Variants in DOK6 observed in about 807,000 individuals in gnomAD.
DOK6 encodes the protein docking protein 6.
A neutral mutation model predicts 44.0 loss-of-function variants in DOK6; 22 were observed. That is an observed-to-expected ratio of 0.50 (90% CI 0.36 to 0.71). DOK6 has a LOEUF of 0.71. DOK6 is among the 30% of genes least tolerant of loss of function. DOK6 has a pLI of 0.00. For missense variants in DOK6, 340 were observed against 416.4 expected (o/e 0.82, Z 1.60); for synonymous variants, 166 against 145.5 (o/e 1.14, Z -1.01).
At chr18:69,604,655 C>T (rs1983953429) in intron 3 of DOK6, among the ~76,000 whole-genome samples, 1 of 151,900 alleles carries the variant, frequency 6.6e-6, no homozygotes, top group Admixed American at 6.6e-5. Context: ...ACCTTCATGA[C>T]ACATGCTGAT....
intron 5 of DOK6, among the ~76,000 whole-genome samples, chr18:69,727,078 C>T (rs186815023): frequency 2.0e-4 from 30 of 152,212 alleles, no homozygotes; most frequent in Non-Finnish European, 3.1e-4. Context: ...AGACTGATCT[C>T]GAACTACTGG....
At chr18:69,761,876 G>A (rs1979567558) in intron 7 of DOK6, among the ~76,000 whole-genome samples, 1 of 152,152 alleles carries the variant, frequency 6.6e-6, no homozygotes, top group African/African-American at 2.4e-5. Flanking sequence ...GTTACCGGCA[G>A]CGAATCCATA....
intron 1 of DOK6, among the ~76,000 whole-genome samples, chr18:69,409,189 C>A (rs1316927097): frequency 1.3e-5 from 2 of 152,130 alleles, no homozygotes; most frequent in East Asian, 1.9e-4. Context: ...TGAAGAGGTG[C>A]CTTCCACCAT....
chr18:69,510,602 G>A (rs564494587), intron 1 of DOK6, among the ~76,000 whole-genome samples: 1 of 152,238 alleles, frequency 6.6e-6, no homozygotes. Context: ...ATTGTGTCAT[G>A]TCCAAAATGG....
chr18:69,615,663 CA>C (rs533767799), intron 3 of DOK6, among the ~76,000 whole-genome samples: 6 of 151,986 alleles, frequency 3.9e-5, no homozygotes, highest in Non-Finnish European at 8.8e-5. Context: ...AGAAAAATAC[CA>C]AACCTTAAGC....
intron 7 of DOK6, among the ~76,000 whole-genome samples, chr18:69,839,483 C>T (rs916143207): frequency 6.6e-6 from 1 of 152,170 alleles, no homozygotes; most frequent in African/African-American, 2.4e-5. Context: ...CTTAACCCAT[C>T]CTTTAACTCT....
At chr18:69,616,246 A>G (rs1333679653) in intron 3 of DOK6, among the ~76,000 whole-genome samples, 1 of 152,148 alleles carries the variant, frequency 6.6e-6, no homozygotes, top group Non-Finnish European at 1.5e-5. Context: ...GAACTTGATG[A>G]AGAGTAGAAA....
At chr18:69,807,454 CT>C (rs1225281774) in intron 7 of DOK6, among the ~76,000 whole-genome samples, 1 of 151,840 alleles carries the variant, frequency 6.6e-6, no homozygotes, top group East Asian at 1.9e-4. Context: ...TCAATAATTA[CT>C]TTGAATGAAA....
chr18:69,474,302 ACTTT>A (rs1481894013), intron 1 of DOK6, among the ~76,000 whole-genome samples: 3 of 150,134 alleles, frequency 2.0e-5, no homozygotes, highest in African/African-American at 7.4e-5. Flanking sequence ...TTCCTTTTTT[ACTTT>A]CTTTCTTGAA....
intron 5 of DOK6, among the ~76,000 whole-genome samples, chr18:69,699,831 T>C (rs1692188183): frequency 6.6e-6 from 1 of 152,014 alleles, no homozygotes; most frequent in Non-Finnish European, 1.5e-5. Flanking sequence ...TTTAAAAAGG[T>C]AGTATATTAA....
At chr18:69,655,783 AC>A (rs375826794) in intron 3 of DOK6, among the ~76,000 whole-genome samples, 1,589 of 54,346 alleles carry the variant, frequency 0.029, 118 homozygotes, top group African/African-American at 0.054. Context: ...AAAAAAAAAA[AC>A]AAAAGAACAA....
intron 4 of DOK6, among the ~76,000 whole-genome samples, chr18:69,679,694 A>T (rs1402247599): frequency 6.6e-6 from 1 of 152,216 alleles, no homozygotes; most frequent in Non-Finnish European, 1.5e-5. Flanking sequence ...AAATAGAAAT[A>T]CTGTGCCTCT....
At chr18:69,583,879 C>A (rs529793408) in intron 2 of DOK6, among the ~76,000 whole-genome samples, 2 of 151,958 alleles carry the variant, frequency 1.3e-5, no homozygotes, top group Non-Finnish European at 2.9e-5. Flanking sequence ...GAGACCAAGG[C>A]GGGAGGATCA....
intron 1 of DOK6, among the ~76,000 whole-genome samples, chr18:69,479,028 T>G (rs1980346122): frequency 1.3e-5 from 2 of 152,260 alleles, no homozygotes; most frequent in Non-Finnish European, 2.9e-5. Flanking sequence ...TCCGTTTCAT[T>G]TTTGCTAAAC....
At chr18:69,700,366 G>C (rs1986491614) in intron 5 of DOK6, among the ~76,000 whole-genome samples, 1 of 151,512 alleles carries the variant, frequency 6.6e-6, no homozygotes, top group Non-Finnish European at 1.5e-5. Context: ...TCTTTCTATG[G>C]AAAACAATTT....
Position 69,553,157 on chromosome 18 carries a change from G to A in DOK6, c.67-11330G>A, listed in dbSNP as rs137979460. 4.4e-3 allele frequency among the ~76,000 whole-genome samples: 675 copies of A among 152,284 alleles called. 21 individuals carry two copies. The highest frequency in any genetic ancestry group is 0.033 in the Admixed American group (505 of 15,292). On this transcript the variant is annotated intron_variant, in intron 1 of 7. Transcript: ENST00000382713. Reference sequence around the variant, plus strand: ...ATTTTGAATGCCTATGTTGCTGCAGGTGGGAAAATAATTGCTATTTCTGTT... The same window carrying A: ...ATTTTGAATGCCTATGTTGCTGCAGATGGGAAAATAATTGCTATTTCTGTT...
chr18:69,650,303 T>C (rs1287864076), intron 3 of DOK6, among the ~76,000 whole-genome samples: 1 of 152,152 alleles, frequency 6.6e-6, no homozygotes, highest in Non-Finnish European at 1.5e-5. Context: ...AGTGGGAGTT[T>C]CAGTCTCTGA....
chr18:69,560,942 A>G (rs113930797), intron 1 of DOK6, among the ~76,000 whole-genome samples: 1 of 151,832 alleles, frequency 6.6e-6, no homozygotes, highest in Non-Finnish European at 1.5e-5. Flanking sequence ...TTAAAAAATT[A>G]TATGGTGCTC....
intron 3 of DOK6, among the ~76,000 whole-genome samples, chr18:69,607,774 A>G (rs1201919874): frequency 1.3e-5 from 2 of 152,212 alleles, no homozygotes; most frequent in African/African-American, 4.8e-5. Context: ...CTCCAAAACT[A>G]TAAAACACGA....
Sources: allele counts gnomAD v4.1 joint callset (sites outside exome capture counted in the v4.1 genomes callset), GRCh38; gene constraint gnomAD v4.1.1; transcripts MANE v1.5; gene names NCBI Gene and HGNC (gene_info 2026-07-23, HGNC 2026-07-21).